The following PRRC2B variants were observed in gnomAD, a reference collection of about 807,000 sequenced individuals.
PRRC2B encodes the protein proline rich coiled-coil 2B.
A neutral mutation model predicts 242.3 loss-of-function variants in PRRC2B; 68 were observed. The ratio of observed to expected loss-of-function variants is 0.28; its 90% CI spans 0.23 to 0.34. PRRC2B has a LOEUF of 0.34. Ranked by LOEUF, PRRC2B falls within the 10% of genes least tolerant of loss-of-function variation. The pLI is 1.00. For synonymous variants in PRRC2B, 1,228 were observed against 1,173.6 expected (o/e 1.05, Z -0.95); for missense variants, 2,835 against 2,954.8 (o/e 0.96, Z 0.94).
chr9:131,399,881 G>T (rs1054524587), intron 1 of PRRC2B, among the ~76,000 whole-genome samples: 1 of 152,074 alleles, frequency 6.6e-6, no homozygotes, highest in Non-Finnish European at 1.5e-5. Context: ...GATTATTGTT[G>T]CCCTCTTTTC....
At chr9:131,484,832 T>G in intron 24 of PRRC2B, 42 bp downstream of exon 24, 1 of 1,572,752 alleles carries the variant, frequency 6.4e-7, no homozygotes, top group South Asian at 1.2e-5. Context: ...ACCCAGTACC[T>G]TAGCTTACAA....
At chr9:131,439,211 A>G (rs1838475023) in intron 5 of PRRC2B, 150 bp downstream of exon 5, 1 of 668,638 alleles carries the variant, frequency 1.5e-6, no homozygotes, top group South Asian at 1.8e-5. Context: ...TTGCCTGTGC[A>G]CAGCGGGCGC....
chr9:131,383,633 G>A (rs1407116360), intron 1 of PRRC2B, among the ~76,000 whole-genome samples: 7 of 127,174 alleles, frequency 5.5e-5, no homozygotes, highest in African/African-American at 1.5e-4. Context: ...ACAGAGTCTC[G>A]CCCTGTCACC....
At chr9:131,463,628 CT>C (rs374951504) in intron 11 of PRRC2B, among the ~76,000 whole-genome samples, 31 of 125,770 alleles carry the variant, frequency 2.5e-4, no homozygotes, top group Middle Eastern at 4.3e-3. Context: ...TTTAGGCATG[CT>C]TTTTTTTTTT....
chr9:131,449,241 G>C (rs1405255830), intron 9 of PRRC2B, among the ~76,000 whole-genome samples: 1 of 152,194 alleles, frequency 6.6e-6, no homozygotes, highest in Non-Finnish European at 1.5e-5. Context: ...TCAAAGGGTA[G>C]ACATAGGATT....
intron 14 of PRRC2B, among the ~76,000 whole-genome samples, chr9:131,471,241 T>C (rs1009835405): frequency 7.9e-5 from 12 of 152,324 alleles, no homozygotes; most frequent in African/African-American, 2.6e-4. Context: ...GCTATGTCGT[T>C]TTGTCCTTCT....
intron 2 of PRRC2B, among the ~76,000 whole-genome samples, chr9:131,431,875 C>G (rs527818817): frequency 1.3e-5 from 2 of 151,574 alleles, no homozygotes; most frequent in African/African-American, 2.4e-5. Context: ...CATGAGCCAC[C>G]GCGCCCGGCC....
chr9:131,482,772 T>G lies in PRRC2B; in HGVS notation c.5238T>G (p.Arg1746=). 1 of 1,612,172 alleles carries G rather than the reference T, an allele frequency of 6.2e-7. No individual in the cohort carries two copies. The highest frequency in any genetic ancestry group is 8.5e-7 in the Non-Finnish European group (1 of 1,179,096). ...EHRPGPIGNE[R]SLKNRKGSEG... ...GACCAGGACCCATCGGCAACGAGCG[T>G]TCTCTGAAAAACAGAAAGGGCTCGG... The change falls in exon 22 of 32, where the codon CGT becomes CGG. Residue 1746 remains arginine (R), a synonymous_variant. Transcript: ENST00000683519. The surrounding 1 kb of genome is among the most constrained non-coding windows in gnomAD (Gnocchi z 5.2).
intron 1 of PRRC2B, among the ~76,000 whole-genome samples, chr9:131,420,636 T>C (rs112916057): frequency 0.019 from 2,853 of 150,488 alleles, 94 homozygotes; most frequent in African/African-American, 0.065. Flanking sequence ...ATTACAGGCA[T>C]GCACTACCAC....
At chr9:131,423,902 A>G (rs1837913457) in intron 1 of PRRC2B, among the ~76,000 whole-genome samples, 3 of 151,496 alleles carry the variant, frequency 2.0e-5, no homozygotes, top group Admixed American at 1.3e-4. Flanking sequence ...GGCTTGTAAG[A>G]GGTGGCTGAT....
intron 1 of PRRC2B, among the ~76,000 whole-genome samples, chr9:131,394,719 G>A (rs1836994654): frequency 1.3e-5 from 2 of 151,596 alleles, no homozygotes; most frequent in Admixed American, 6.6e-5. Flanking sequence ...CCCGAGGCGG[G>A]ATCCTGCGGG....
intron 16 of PRRC2B, among the ~76,000 whole-genome samples, chr9:131,476,958 C>T (rs564966525): frequency 6.6e-6 from 1 of 152,336 alleles, no homozygotes; most frequent in Non-Finnish European, 1.5e-5. Context: ...GGAAGTGGCT[C>T]TTCCTAGATG....
At chr9:131,442,723 C>T (rs1400490153) in intron 5 of PRRC2B, among the ~76,000 whole-genome samples, 1 of 152,096 alleles carries the variant, frequency 6.6e-6, no homozygotes, top group Non-Finnish European at 1.5e-5. Flanking sequence ...CCACAGGGGG[C>T]CATTTGTTGT....
At chr9:131,431,371 C>T (rs544503766) in intron 2 of PRRC2B, among the ~76,000 whole-genome samples, 2 of 151,898 alleles carry the variant, frequency 1.3e-5, no homozygotes, top group East Asian at 3.9e-4. Flanking sequence ...ACCTCGTGAT[C>T]GGCTTGCCTC....
intron 1 of PRRC2B, among the ~76,000 whole-genome samples, chr9:131,422,484 C>T (rs1489990803): frequency 6.6e-6 from 1 of 152,210 alleles, no homozygotes; most frequent in East Asian, 1.9e-4. Flanking sequence ...GGGTGCCTGG[C>T]CCTTGAAGTG....
chr9:131,451,805 A>C (rs537754532), intron 9 of PRRC2B, among the ~76,000 whole-genome samples: 2 of 152,000 alleles, frequency 1.3e-5, no homozygotes, highest in South Asian at 4.2e-4. Flanking sequence ...CATTGTGTTC[A>C]ATGATTTCCT....
intron 2 of PRRC2B, 137 bp downstream of exon 2, chr9:131,430,396 C>G: frequency 1.8e-6 from 1 of 562,658 alleles, no homozygotes; most frequent in Non-Finnish European, 3.2e-6. Context: ...GAATCACTCT[C>G]TACTTCCTAC....
Position 131,439,073 on chromosome 9 carries a change from CGT to C in PRRC2B, c.469+21_469+22del. The C allele has an allele frequency of 2.5e-6, 4 of 1,611,972 alleles. No individual in the cohort carries two copies. The highest frequency in any genetic ancestry group is 2.2e-5 in the East Asian group (1 of 44,860). ...AGGACACGAAGGTGGTAAGTGCGCA[CGT>C]GTGTGTGTTGTTTGGGGACGCTGGG... is the stretch of plus-strand genomic sequence containing the variant. On this transcript the variant is annotated intron_variant, in intron 5 of 31. Transcript: ENST00000683519.
chr9:131,441,640 T>C (rs897705503), intron 5 of PRRC2B, among the ~76,000 whole-genome samples: 1 of 152,208 alleles, frequency 6.6e-6, no homozygotes, highest in Non-Finnish European at 1.5e-5. Flanking sequence ...CAGTTCCCCC[T>C]CTCGTGCTAG....
Sources: gnomAD v4.1 joint callset for allele counts (sites outside exome capture counted in the v4.1 genomes callset) on GRCh38, gnomAD v4.1.1 for gene constraint, Gnocchi (gnomAD v3.1) non-coding constraint, MANE v1.5 for transcripts, NCBI Gene and HGNC (gene_info 2026-07-23, HGNC 2026-07-21) for gene names.